The following FRMD4B variants were observed in gnomAD, a reference collection of about 807,000 sequenced individuals.
The protein encoded by FRMD4B is FERM domain-containing protein 4B.
In FRMD4B, 74 loss-of-function variants were observed where a neutral mutation model predicts 141.5. That is an observed-to-expected ratio of 0.52 (90% CI 0.43 to 0.63). The LOEUF (loss-of-function observed/expected upper bound fraction) is 0.63. Among genes scored for constraint, FRMD4B ranks in the 30% least tolerant of loss-of-function variants. The pLI is 0.00. For missense variants in FRMD4B, 1,366 were observed against 1,253.4 expected (o/e 1.09, Z -1.36); for synonymous variants, 506 against 467.9 (o/e 1.08, Z -1.05).
rs140202368 is a variant in FRMD4B at position 69,169,353 on chromosome 3, C to CTTTTTTTTTT, written c.*2498_*2507dup. ...AGGATTGCTGAACTTCCATTTCTTT[C>CTTTTTTTTTT]TTTTTTTTTTTTTTTTTTTTTTCTT... On this transcript the variant is annotated 3_prime_UTR_variant, in exon 23 of 23. Coordinates refer to ENST00000398540, the MANE Select transcript of FRMD4B (RefSeq NM_015123.3). Among the ~76,000 whole-genome samples the CTTTTTTTTTT allele has an allele frequency of 1.0e-4, 3 of 29,284 alleles. No individual in the cohort carries two copies. The highest frequency in any genetic ancestry group is 1.9e-4 in the African/African-American group (3 of 15,664). 19.2% of individuals were successfully genotyped at this position (29,284 alleles called of 152,430 possible). A position where few individuals can be genotyped will look rare whatever the true frequency, so the allele number is the denominator to read the frequency against.
chr3:69,359,814 T>C (rs1202652182), intron 1 of FRMD4B, among the ~76,000 whole-genome samples: 1 of 152,166 alleles, frequency 6.6e-6, no homozygotes, highest in Non-Finnish European at 1.5e-5. Flanking sequence ...TTTGTAAAAT[T>C]GAGTCTCATC....
In FRMD4B at chr3:69,181,098, C is replaced by T. The variant is rs1217227612; in HGVS notation, c.2652G>A (p.Glu884=). 3.7e-6 allele frequency: 6 copies of T among 1,613,956 alleles called. No individual in the cohort carries two copies. The East Asian group carries it at 1.3e-4, about 36-fold the overall frequency. ...RLPRKAAAKS[E]HITKNIHKAL... ...CCTTGTGGATGTTTTTGGTGATGTGCTCCGATTTTGCAGCAGCCTTCCTTG... is the reference window on the plus strand; with the variant it reads ...CCTTGTGGATGTTTTTGGTGATGTGTTCCGATTTTGCAGCAGCCTTCCTTG... Residue 884 remains glutamate, a synonymous_variant, in exon 21 of 23, where the codon GAG becomes GAA. Coordinates refer to ENST00000398540, the MANE Select transcript of FRMD4B (RefSeq NM_015123.3).
chr3:69,374,626 T>C (rs1027680289), intron 1 of FRMD4B, among the ~76,000 whole-genome samples: 1 of 152,128 alleles, frequency 6.6e-6, no homozygotes, highest in African/African-American at 2.4e-5. Context: ...GGGTCAGAGT[T>C]AGGAGGAAGA....
chr3:69,318,359 A>C (rs537208533), intron 1 of FRMD4B, among the ~76,000 whole-genome samples: 2 of 152,218 alleles, frequency 1.3e-5, no homozygotes, highest in African/African-American at 2.4e-5. Flanking sequence ...GTTCCAAAGC[A>C]TAGACTCTCC....
chr3:69,240,482 C>CAA (rs11344881), intron 7 of FRMD4B, among the ~76,000 whole-genome samples: 92 of 72,392 alleles, frequency 1.3e-3, no homozygotes, highest in African/African-American at 2.2e-3. Context: ...GACTCTGTCT[C>CAA]AAAAAAAAAA....
chr3:69,236,088 T>C (rs550761921), intron 7 of FRMD4B, among the ~76,000 whole-genome samples: 1 of 152,284 alleles, frequency 6.6e-6, no homozygotes, highest in South Asian at 2.1e-4. Context: ...GATCTGAACA[T>C]AGATAACAAG....
chr3:69,475,411 G>C (rs548801765), intron 1 of FRMD4B, among the ~76,000 whole-genome samples: 1 of 145,148 alleles, frequency 6.9e-6, no homozygotes, highest in South Asian at 2.1e-4. Flanking sequence ...CGGTGTCCAT[G>C]TGTTCTCACT....
At chr3:69,313,314 C>A in intron 2 of FRMD4B, 138 bp downstream of exon 2, 1 of 716,458 alleles carries the variant, frequency 1.4e-6, no homozygotes, top group Non-Finnish European at 2.6e-6. Context: ...GAGTCATTGG[C>A]TTTGAGGCAA....
intron 11 of FRMD4B, among the ~76,000 whole-genome samples, chr3:69,206,682 C>T (rs958404323): frequency 6.6e-6 from 1 of 152,126 alleles, no homozygotes; most frequent in Non-Finnish European, 1.5e-5. Flanking sequence ...TGGTTTTGTA[C>T]CTAGTCTGGT....
chr3:69,339,336 T>G (rs2107368414), intron 1 of FRMD4B, among the ~76,000 whole-genome samples: 1 of 152,314 alleles, frequency 6.6e-6, no homozygotes, highest in South Asian at 2.1e-4. Context: ...GCATGGACTT[T>G]GGAATCAGGC....
chr3:69,367,410 A>G (rs1375097381), intron 1 of FRMD4B, among the ~76,000 whole-genome samples: 1 of 152,194 alleles, frequency 6.6e-6, no homozygotes, highest in African/African-American at 2.4e-5. Flanking sequence ...GAACACATAC[A>G]TACACACATT....
intron 21 of FRMD4B, among the ~76,000 whole-genome samples, chr3:69,180,246 C>CAAAAAAAAAAAAAAA (rs71115658): frequency 9.9e-6 from 1 of 101,052 alleles, no homozygotes; most frequent in African/African-American, 3.8e-5. Context: ...CTTGTTTCTA[C>CAAAAAAAAAAAAAAA]AAAAAAAAAA....
chr3:69,329,249 A>T (rs1702281800), intron 1 of FRMD4B, among the ~76,000 whole-genome samples: 1 of 152,200 alleles, frequency 6.6e-6, no homozygotes, highest in African/African-American at 2.4e-5. Flanking sequence ...TACTATTTTA[A>T]ATCTCTAAAA....
chr3:69,434,663 C>A (rs1184134797), intron 1 of FRMD4B, among the ~76,000 whole-genome samples: 1 of 152,056 alleles, frequency 6.6e-6, no homozygotes, highest in Admixed American at 6.6e-5. Context: ...TACGAACACA[C>A]CAAATATGCA....
chr3:69,322,594 CTTTTT>C (rs771521331), intron 1 of FRMD4B, among the ~76,000 whole-genome samples: 2 of 81,400 alleles, frequency 2.5e-5, no homozygotes, highest in African/African-American at 7.2e-5. Flanking sequence ...TTCTCTCTCT[CTTTTT>C]TTTTTTTTTT....
intron 5 of FRMD4B, among the ~76,000 whole-genome samples, chr3:69,285,361 T>C (rs1409538448): frequency 2.7e-5 from 4 of 145,640 alleles, no homozygotes; most frequent in African/African-American, 7.6e-5. Flanking sequence ...CAAGCGTATG[T>C]GTAATTGGGC....
At chr3:69,285,084 A>G (rs756171108) in intron 5 of FRMD4B, among the ~76,000 whole-genome samples, 2 of 152,222 alleles carry the variant, frequency 1.3e-5, no homozygotes, top group African/African-American at 4.8e-5. Flanking sequence ...AATCACTTCA[A>G]TCCAGGAGGT....
At chr3:69,276,180 T>C (rs1333579220) in intron 5 of FRMD4B, among the ~76,000 whole-genome samples, 2 of 152,234 alleles carry the variant, frequency 1.3e-5, no homozygotes, top group African/African-American at 2.4e-5. Context: ...AATAATGATG[T>C]AAAATATGTT....
At chr3:69,193,913 T>C (rs1204261679) in intron 16 of FRMD4B, 40 bp from the exon 17 acceptor site, 1 of 1,220,562 alleles carries the variant, frequency 8.2e-7, no homozygotes, top group Non-Finnish European at 1.2e-6. Context: ...TATGGACACA[T>C]ACAATCAACT....
Sources: gnomAD v4.1 joint callset for allele counts (sites outside exome capture counted in the v4.1 genomes callset) on GRCh38, gnomAD v4.1.1 for gene constraint, MANE v1.5 for transcripts, NCBI Gene and HGNC (gene_info 2026-07-23, HGNC 2026-07-21) for gene names.